LRP1B: variants seen among roughly 807,000 people sequenced by gnomAD.
The protein encoded by LRP1B is LDL receptor related protein 1B.
LRP1B carries 217 observed loss-of-function variants against 556.6 expected under a neutral mutation model. That is an observed-to-expected ratio of 0.39 (90% CI 0.35 to 0.44). The LOEUF is 0.44. Among genes scored for constraint, LRP1B ranks in the 20% least tolerant of loss-of-function variants. The probability of loss-of-function intolerance (pLI) is 1.00; values close to 1 mark genes in which losing one functional copy is unlikely to be tolerated. For missense variants in LRP1B, 5,053 were observed against 5,620.8 expected (o/e 0.90, Z 3.23); for synonymous variants, 2,047 against 1,865.8 (o/e 1.10, Z -2.50).
At chr2:141,805,416 T>C (rs1696139281) in intron 2 of LRP1B, 1 of 152,122 alleles carries the variant, frequency 6.6e-6, no homozygotes, top group South Asian at 2.1e-4. Flanking sequence ...AATGCAATCC[T>C]AACCAATAAG....
At chr2:140,704,237 T>C (rs1686748204) in intron 37 of LRP1B, among the ~76,000 whole-genome samples, 1 of 152,174 alleles carries the variant, frequency 6.6e-6, no homozygotes, top group African/African-American at 2.4e-5. Flanking sequence ...TTATATTTTG[T>C]TTATACTCAC....
At chr2:141,971,996 C>G (rs1488470053) in intron 1 of LRP1B, among the ~76,000 whole-genome samples, 3 of 151,400 alleles carry the variant, frequency 2.0e-5, no homozygotes, top group Middle Eastern at 3.2e-3. Flanking sequence ...ATACCATCAC[C>G]ATAAGTAAGC....
chr2:141,597,317 A>G (rs61074137), intron 2 of LRP1B, among the ~76,000 whole-genome samples: 11,265 of 151,932 alleles, frequency 0.074, 551 homozygotes, highest in South Asian at 0.14. Flanking sequence ...TTCTGTCTCA[A>G]GTTTTTCTCT....
intron 1 of LRP1B, among the ~76,000 whole-genome samples, chr2:142,060,521 C>T (rs1484885379): frequency 6.6e-6 from 1 of 151,962 alleles, no homozygotes; most frequent in Non-Finnish European, 1.5e-5. Context: ...ATGTTTAAGA[C>T]CTGGTATAGG....
chr2:140,526,338 G>C lies in LRP1B; in HGVS notation c.7775C>G (p.Ala2592Gly), dbSNP rs2104970390. 6.2e-7 allele frequency: 1 copy of C among 1,610,274 alleles called. No homozygotes were observed. Among genetic ancestry groups the C allele is most frequent in the African/African-American group, 1.3e-5 (1 of 74,828 alleles). The change falls in exon 48 of 91, where the codon GCC becomes GGC. Residue 2592 changes from alanine to glycine, a missense_variant. Coordinates refer to ENST00000389484, the MANE Select transcript of LRP1B (RefSeq NM_018557.3). ...DELDCKVSTC[A>G]TVEFRCADGT... ...ATCTGCACAGCGGAACTCAACCGTG[G>C]CACAGGTTGAAACTAGAAAAACAGG...
chr2:141,098,316 T>A (rs955302530), intron 7 of LRP1B, among the ~76,000 whole-genome samples: 1 of 152,238 alleles, frequency 6.6e-6, no homozygotes, highest in East Asian at 1.9e-4. Context: ...ATCTACAGCA[T>A]ATTCAATTAT....
intron 3 of LRP1B, among the ~76,000 whole-genome samples, chr2:141,365,151 C>T (rs1688969761): frequency 6.6e-6 from 1 of 152,100 alleles, no homozygotes; most frequent in Non-Finnish European, 1.5e-5. Flanking sequence ...TTTCAGTTTG[C>T]TTACAAAGTT....
At chr2:141,709,758 T>C (rs1019628527) in intron 2 of LRP1B, among the ~76,000 whole-genome samples, 2 of 152,126 alleles carry the variant, frequency 1.3e-5, no homozygotes, top group Admixed American at 1.3e-4. Flanking sequence ...AGAAGGTGAA[T>C]TCTGACAACC....
At chr2:140,838,873 G>C (rs1447911644) in intron 31 of LRP1B, among the ~76,000 whole-genome samples, 1 of 152,108 alleles carries the variant, frequency 6.6e-6, no homozygotes, top group Non-Finnish European at 1.5e-5. Context: ...TTATAATATA[G>C]ACATCTACAT....
rs758595253 is a variant in LRP1B at position 142,130,812 on chromosome 2, G to T, written c.-83C>A. ...GGCGGCGGCGGCGGCGGCAGGGGCC[G>T]CTTGGAGCCTGGAATCGAGCGGCGT... On this transcript the variant is annotated 5_prime_UTR_variant, in exon 1 of 91. Coordinates refer to ENST00000389484, the MANE Select transcript of LRP1B (RefSeq NM_018557.3). 6.0e-5 allele frequency: 63 copies of T among 1,054,100 alleles called. No homozygotes were observed. The highest frequency in any genetic ancestry group is 8.4e-5 in the Non-Finnish European group (58 of 692,082). 65.3% of individuals were successfully genotyped at this position (1,054,100 alleles called of 1,614,324 possible).
intron 43 of LRP1B, among the ~76,000 whole-genome samples, chr2:140,543,241 A>C (rs780765890): frequency 3.3e-4 from 50 of 152,076 alleles, no homozygotes; most frequent in Non-Finnish European, 5.1e-4. Flanking sequence ...CAAATCAATG[A>C]CTTTTGCTTT....
At position 140,982,256 on chromosome 2, in the gene LRP1B, G is replaced by T. The variant is rs1045758520; in HGVS notation, c.2791C>A (p.Gln931Lys). The change falls in exon 18 of 91, where the codon CAG becomes AAG. Residue 931 changes from glutamine (Q) to lysine (K), a missense_variant. By Grantham distance (53) the Gln-to-Lys change is moderately conservative (BLOSUM62 1). This residue lies in a region of LRP1B where 3,619 missense variants were observed against 3,931.9 expected (regional missense o/e 0.92). Transcript: ENST00000389484. ...CAACGCCCATTTCCGCAAGAAAACT[G>T]GTCTACCTGGCATGTTCTGGCTATG... Reference protein sequence around the residue: ...TCTARTCQVDQFSCGNGRCIP... With the variant: ...TCTARTCQVDKFSCGNGRCIP... The T allele has an allele frequency of 6.2e-7, 1 of 1,612,810 alleles. No individual in the cohort carries two copies. The highest frequency in any genetic ancestry group is 8.5e-7 in the Non-Finnish European group (1 of 1,179,212).
intron 1 of LRP1B, among the ~76,000 whole-genome samples, chr2:142,010,521 C>T (rs1250720700): frequency 1.5e-5 from 2 of 134,924 alleles, no homozygotes; most frequent in Admixed American, 8.1e-5. Flanking sequence ...CGCTACTGCA[C>T]TCCAGGCTGG....
At chr2:140,549,004 G>A (rs1416460920) in intron 43 of LRP1B, among the ~76,000 whole-genome samples, 1 of 152,002 alleles carries the variant, frequency 6.6e-6, no homozygotes, top group Non-Finnish European at 1.5e-5. Flanking sequence ...TTATCTTTCT[G>A]ATTTCCCAAA....
At chr2:140,249,640 T>C (rs1681319341) in intron 86 of LRP1B, among the ~76,000 whole-genome samples, 1 of 151,840 alleles carries the variant, frequency 6.6e-6, no homozygotes, top group Non-Finnish European at 1.5e-5. Context: ...TATAAAATAA[T>C]GTTTTATGGC....
At chr2:140,785,816 T>G (rs1040435675) in intron 32 of LRP1B, among the ~76,000 whole-genome samples, 2 of 152,120 alleles carry the variant, frequency 1.3e-5, no homozygotes, top group African/African-American at 4.8e-5. Flanking sequence ...CCCAGCAGAC[T>G]TTTCTCAGCA....
chr2:142,044,100 C>T (rs1021106648), intron 1 of LRP1B, among the ~76,000 whole-genome samples: 1 of 151,602 alleles, frequency 6.6e-6, no homozygotes, highest in Non-Finnish European at 1.5e-5. Flanking sequence ...GAGAAAAAAA[C>T]TTTAGACTTA....
intron 10 of LRP1B, among the ~76,000 whole-genome samples, chr2:141,050,277 G>A (rs1698997515): frequency 6.6e-6 from 1 of 151,648 alleles, no homozygotes; most frequent in African/African-American, 2.4e-5. Context: ...CTTTTCTTGT[G>A]TTTTTTAAAT....
Position 141,942,003 on chromosome 2 carries a change from A to T in LRP1B, c.83-131602T>A, listed in dbSNP as rs531278620. Among the ~76,000 whole-genome samples, 6 of 152,308 alleles carry T rather than the reference A, an allele frequency of 3.9e-5. No individual in the cohort carries two copies. In the East Asian group the frequency reaches 1.2e-3, roughly 29 times the overall value. ...CAATAGTTTTAAAAACATTGTATTT[A>T]ATCTCTTCTCCTTCTCTATCTGTCA... On this transcript the variant is annotated intron_variant, in intron 1 of 90. Coordinates refer to ENST00000389484, the MANE Select transcript of LRP1B (RefSeq NM_018557.3).
Sources: gnomAD v4.1 joint callset for allele counts (sites outside exome capture counted in the v4.1 genomes callset) on GRCh38, gnomAD v4.1.1 for gene constraint, gnomAD v4.1.1 regional missense constraint, MANE v1.5 for transcripts, NCBI Gene and HGNC (gene_info 2026-07-23, HGNC 2026-07-21) for gene names.